The following ALG9 variants were observed in gnomAD, a reference collection of about 807,000 sequenced individuals.
The protein encoded by ALG9 is ALG9 alpha-1,2-mannosyltransferase.
A neutral mutation model predicts 81.8 loss-of-function variants in ALG9; 55 were observed. The observed-to-expected ratio is 0.67, with a 90% confidence interval of 0.54 to 0.84. ALG9 has a LOEUF of 0.84. Ranked by LOEUF, ALG9 falls within the 40% of genes least tolerant of loss-of-function variation. The pLI, the probability that ALG9 is intolerant of heterozygous loss-of-function variation, is 0.00. For missense variants in ALG9, 629 were observed against 745.0 expected, an observed-to-expected ratio of 0.84 and a Z score of 1.81; for synonymous variants, 278 against 274.3, an observed-to-expected ratio of 1.01 and a Z score of -0.13.
intron 14 of ALG9, among the ~76,000 whole-genome samples, chr11:111,802,648 T>C (rs1949302145): frequency 6.6e-6 from 1 of 152,172 alleles, no homozygotes; most frequent in African/African-American, 2.4e-5. Context: ...ATGAACTGGA[T>C]ATGTAAACTA....
Position 111,838,373 on chromosome 11 carries a change from A to G in ALG9, c.1200T>C (p.Cys400=). Residue 400 remains cysteine (C), a synonymous_variant, in exon 11 of 15, where the codon TGT becomes TGC. Coordinates refer to ENST00000616540, the MANE Select transcript of ALG9 (RefSeq NM_024740.2). ...GATATCGTTGAAACACAAAGTGGTA[A>G]CATTTCTGGAAGTACAGAAAACTGT... ...LQHSFLYFQK[C]YHFVFQRYRL... 1 of 1,613,366 alleles carries G rather than the reference A, an allele frequency of 6.2e-7. No individual in the cohort carries two copies. The highest frequency in any genetic ancestry group is 8.5e-7 in the Non-Finnish European group (1 of 1,179,226).
At chr11:111,796,032 T>C (rs1401347178) in intron 14 of ALG9, among the ~76,000 whole-genome samples, 1 of 152,224 alleles carries the variant, frequency 6.6e-6, no homozygotes, top group African/African-American at 2.4e-5. Flanking sequence ...TTCTTTTATG[T>C]GACAAATAGA....
In ALG9 at chr11:111,785,937, A is replaced by G; in HGVS notation, c.*460T>C. The G allele has an allele frequency of 2.3e-6, 1 of 431,578 alleles. No individual in the cohort carries two copies. Among genetic ancestry groups the G allele is most frequent in the South Asian group, 1.7e-5 (1 of 59,904 alleles). The allele number at this position is 431,578 out of a possible 1,614,324, so 26.7% of individuals were successfully genotyped here. On this transcript the variant is annotated 3_prime_UTR_variant, in exon 15 of 15. Coordinates refer to ENST00000616540, the MANE Select transcript of ALG9 (RefSeq NM_024740.2). Reference sequence around the variant, plus strand: ...GAGGATTTCAATAAGAAGGTCTGCTAGGAGCTGCCAAACAGCTTTGGTGGA... The same window carrying G: ...GAGGATTTCAATAAGAAGGTCTGCTGGGAGCTGCCAAACAGCTTTGGTGGA...
intron 13 of ALG9, among the ~76,000 whole-genome samples, chr11:111,819,906 C>T (rs1952065258): frequency 6.6e-6 from 1 of 152,178 alleles, no homozygotes; most frequent in Non-Finnish European, 1.5e-5. Context: ...GGTGACCAGC[C>T]ACACCAGGAT....
chr11:111,805,386 G>C (rs1302463166), intron 14 of ALG9: 2 of 449,726 alleles, frequency 4.4e-6, no homozygotes, highest in Non-Finnish European at 8.9e-6. Flanking sequence ...TCTGAACTAA[G>C]ACCAATGTCA....
chr11:111,803,978 C>A (rs1232570907), intron 14 of ALG9, among the ~76,000 whole-genome samples: 2 of 151,324 alleles, frequency 1.3e-5, no homozygotes, highest in Non-Finnish European at 3.0e-5. Flanking sequence ...ACTAAAAATA[C>A]CAAAATGAGC....
intron 13 of ALG9, among the ~76,000 whole-genome samples, chr11:111,827,547 G>A (rs1953557919): frequency 6.6e-6 from 1 of 152,090 alleles, no homozygotes; most frequent in Non-Finnish European, 1.5e-5. Flanking sequence ...AATGAAAAGA[G>A]TAAGAAACAC....
At chr11:111,799,537 A>G (rs1307288262) in intron 14 of ALG9, among the ~76,000 whole-genome samples, 1 of 151,730 alleles carries the variant, frequency 6.6e-6, no homozygotes, top group East Asian at 1.9e-4. Context: ...GCTGAGGCCC[A>G]ATCTAGGCCA....
At chr11:111,798,856 G>C (rs1408983924) in intron 14 of ALG9, among the ~76,000 whole-genome samples, 1 of 152,166 alleles carries the variant, frequency 6.6e-6, no homozygotes, top group Non-Finnish European at 1.5e-5. Flanking sequence ...ATGGGGTCTG[G>C]GGTTTGTAGG....
In ALG9 at chr11:111,857,918, T is replaced by C. The variant is rs1958963696; in HGVS notation, c.566-181A>G. 3.0e-5 allele frequency: 21 copies of C among 704,578 alleles called. 1 individual carries two copies. The South Asian group carries it at 3.8e-4, about 13-fold the overall frequency. 43.6% of individuals were successfully genotyped at this position (704,578 alleles called of 1,614,324 possible). On this transcript the variant is annotated intron_variant, in intron 5 of 14. Transcript: ENST00000616540. ...GATATTCTTTTTTAAAAAAATGAAG[T>C]TCAATGACTCTTATTTTTCTCACTC...
At position 111,865,210 on chromosome 11, in the gene ALG9, C is replaced by T; in HGVS notation, c.447G>A (p.Val149=). The change falls in exon 4 of 15, where the codon GTG becomes GTA. Residue 149 remains valine, a synonymous_variant. Transcript: ENST00000616540. ...FYFLRCLLAF[V]SCICELYFYK... is the part of the protein sequence containing the mutation. ...AAAAGTAAAGTTCACAAATACAGCT[C>T]ACAAAAGCCAGAAGACATCGCAAAA... The T allele has an allele frequency of 6.4e-7, 1 of 1,550,594 alleles. No individual in the cohort carries two copies. The highest frequency in any genetic ancestry group is 8.7e-7 in the Non-Finnish European group (1 of 1,147,296).
chr11:111,789,692 C>G (rs1043366993), intron 14 of ALG9, among the ~76,000 whole-genome samples: 1 of 151,100 alleles, frequency 6.6e-6, no homozygotes, highest in Admixed American at 6.6e-5. Context: ...AATAACAGCG[C>G]GCCTGTAATC....
chr11:111,853,930 G>C (rs1428390373), intron 6 of ALG9, among the ~76,000 whole-genome samples, 194 bp from the exon 7 acceptor site: 2 of 152,086 alleles, frequency 1.3e-5, no homozygotes, highest in East Asian at 3.8e-4. Flanking sequence ...ACAAGAAATA[G>C]AATTACTGAG....
At chr11:111,871,157 G>A in intron 1 of ALG9, 195 bp downstream of exon 1, 1 of 1,279,124 alleles carries the variant, frequency 7.8e-7, no homozygotes, top group South Asian at 2.7e-5. Flanking sequence ...GCGCAGTGGA[G>A]GGATCTAAGG....
chr11:111,868,472 T>A, intron 3 of ALG9, 130 bp downstream of exon 3: 1 of 1,172,466 alleles, frequency 8.5e-7, no homozygotes, highest in Non-Finnish European at 1.2e-6. Flanking sequence ...GAATGGTGAA[T>A]TGGATAAATG....
At chr11:111,815,362 C>T (rs1397162732) in intron 13 of ALG9, among the ~76,000 whole-genome samples, 1 of 151,928 alleles carries the variant, frequency 6.6e-6, no homozygotes, top group Non-Finnish European at 1.5e-5. Flanking sequence ...CTGATTGTGC[C>T]GCTGCACTCC....
In ALG9 at chr11:111,871,434, T is replaced by C. The variant is rs2137314560; in HGVS notation, c.49A>G (p.Ser17Gly). Residue 17 changes from serine (S) to glycine (G), a missense_variant, in exon 1 of 15, where the codon AGT (serine) becomes GGT (glycine). This residue lies in a region of ALG9 where 344 missense variants were observed against 390.5 expected (regional missense o/e 0.88). Coordinates refer to ENST00000616540, the MANE Select transcript of ALG9 (RefSeq NM_024740.2). ...TCCGCAGCCGGGGCCGTATCCCCAC[T>C]GCTGGCCCCGCTGCCCTTCAGGCGC... Reference protein sequence around the residue: ...RQRLKGSGASSGDTAPAADKL... With the variant: ...RQRLKGSGASGGDTAPAADKL... 6.5e-7 allele frequency: 1 copy of C among 1,536,478 alleles called. No homozygotes were observed. The highest frequency in any genetic ancestry group is 2.4e-5 in the East Asian group (1 of 40,900).
intron 14 of ALG9, among the ~76,000 whole-genome samples, chr11:111,791,580 G>A (rs1333731693): frequency 6.6e-6 from 1 of 152,176 alleles, no homozygotes; most frequent in African/African-American, 2.4e-5. Flanking sequence ...AAAGCCCTAG[G>A]AGATCTAGCC....
At chr11:111,776,902 T>A in the ALG9 span, among the ~76,000 whole-genome samples, 1 of 152,246 alleles carries the variant, frequency 6.6e-6, no homozygotes. Flanking sequence ...TTCACTTTAC[T>A]GGGCTCAGGC....
Sources: gnomAD v4.1 joint callset for allele counts (sites outside exome capture counted in the v4.1 genomes callset) on GRCh38, gnomAD v4.1.1 for gene constraint, gnomAD v4.1.1 regional missense constraint, MANE v1.5 for transcripts, NCBI Gene and HGNC (gene_info 2026-07-23, HGNC 2026-07-21) for gene names.